Variants in ATP2A2 observed in about 807,000 individuals in gnomAD.
ATP2A2 encodes sarcoplasmic/endoplasmic reticulum calcium ATPase 2.
ATP2A2 carries 14 observed loss-of-function variants against 109.3 expected under a neutral mutation model. The ratio of observed to expected loss-of-function variants is 0.13; its 90% CI spans 0.08 to 0.20. The LOEUF (loss-of-function observed/expected upper bound fraction) is 0.20. Among genes scored for constraint, ATP2A2 ranks in the 10% least tolerant of loss-of-function variants. The pLI, the probability that ATP2A2 is intolerant of heterozygous loss-of-function variation, is 1.00. For missense variants in ATP2A2, 657 were observed against 1,321.6 expected, an observed-to-expected ratio of 0.50 and a Z score of 7.80; for synonymous variants, 506 against 490.9, an observed-to-expected ratio of 1.03 and a Z score of -0.41.
chr12:110,301,174 G>A lies in ATP2A2; in HGVS notation c.463+4437G>A, dbSNP rs7301118. Among the ~76,000 whole-genome samples, 366 of 152,172 alleles carry A rather than the reference G, an allele frequency of 2.4e-3. 1 individual carries two copies. Among genetic ancestry groups the A allele is most frequent in the African/African-American group, 8.4e-3 (350 of 41,520 alleles). ...TGAGCCACTGTGCTCTGCCTTGTTG[G>A]GCTGTTTTAGTGTGTTGAGTCTACT... On this transcript the variant is annotated intron_variant, in intron 5 of 19. Coordinates refer to ENST00000539276, the MANE Select transcript of ATP2A2 (RefSeq NM_170665.4).
intron 3 of ATP2A2, among the ~76,000 whole-genome samples, chr12:110,283,428 T>C (rs1330652497): frequency 1.3e-5 from 2 of 152,368 alleles, no homozygotes; most frequent in African/African-American, 2.4e-5. Context: ...CATGGTGTTT[T>C]TTCTTGTTCT....
At chr12:110,315,415 A>G (rs576756277) in intron 5 of ATP2A2, among the ~76,000 whole-genome samples, 2 of 152,320 alleles carry the variant, frequency 1.3e-5, no homozygotes, top group South Asian at 2.1e-4. Flanking sequence ...TCATTATAAA[A>G]TATTCCTTAT....
At chr12:110,301,737 A>G (rs1874667873) in intron 5 of ATP2A2, among the ~76,000 whole-genome samples, 1 of 152,206 alleles carries the variant, frequency 6.6e-6, no homozygotes, top group Non-Finnish European at 1.5e-5. Flanking sequence ...TGCACTTAAA[A>G]TACAAAATTC....
chr12:110,289,086 C>T (rs1024592610), intron 3 of ATP2A2, among the ~76,000 whole-genome samples: 2 of 152,226 alleles, frequency 1.3e-5, no homozygotes, highest in African/African-American at 4.8e-5. Context: ...GGTCCCATCA[C>T]TGCTTGCCAT....
At chr12:110,344,375 A>C (rs1461379541) in intron 16 of ATP2A2, among the ~76,000 whole-genome samples, 4 of 152,166 alleles carry the variant, frequency 2.6e-5, no homozygotes, top group Non-Finnish European at 5.9e-5. Context: ...GAAGCTGCTG[A>C]GGGCAGGGCC....
intron 5 of ATP2A2, among the ~76,000 whole-genome samples, chr12:110,298,666 C>T (rs1874222915): frequency 6.6e-6 from 1 of 152,124 alleles, no homozygotes. Context: ...TGCAGTGAGC[C>T]GAGGTCGTGC....
chr12:110,332,739 T>C, intron 9 of ATP2A2, 54 bp downstream of exon 9: 1 of 1,441,906 alleles, frequency 6.9e-7, no homozygotes, highest in East Asian at 2.3e-5. Flanking sequence ...TTAGTATTTG[T>C]ATTGATTTGC....
rs1566240329 is a variant in ATP2A2, at chr12:110,342,474, A to C, written c.2318+26A>C. ...GTAGGTCTCTGTGACAGCATCACTTACTGTACGCCTTTATCTAAATGGGTC... is the reference window on the plus strand; with the variant it reads ...GTAGGTCTCTGTGACAGCATCACTTCCTGTACGCCTTTATCTAAATGGGTC... On this transcript the variant is annotated intron_variant, in intron 15 of 19. Coordinates refer to ENST00000539276, the MANE Select transcript of ATP2A2 (RefSeq NM_170665.4). The surrounding 1 kb of genome is among the most constrained non-coding windows in gnomAD (Gnocchi z 4.6). The C allele has an allele frequency of 6.2e-7, 1 of 1,607,278 alleles. No homozygotes were observed. The highest frequency in any genetic ancestry group is 2.2e-5 in the East Asian group (1 of 44,852).
At position 110,344,057 on chromosome 12, in the gene ATP2A2, C is replaced by T. The variant is rs540204018; in HGVS notation, c.2521+623C>T. On this transcript the variant is annotated intron_variant, in intron 16 of 19. Transcript: ENST00000539276. ...CACTTCCCTCTGGCGTTGAGGTGCTCATGTACCCTGTGCCCTTCCGGAGAG... is the reference window on the plus strand; with the variant it reads ...CACTTCCCTCTGGCGTTGAGGTGCTTATGTACCCTGTGCCCTTCCGGAGAG... Among the ~76,000 whole-genome samples, 3 of 152,302 alleles carry T rather than the reference C, an allele frequency of 2.0e-5. No individual in the cohort carries two copies. The East Asian group carries it at 5.8e-4, about 29-fold the overall frequency.
At chr12:110,321,561 T>A (rs997457652) in intron 5 of ATP2A2, among the ~76,000 whole-genome samples, 20 of 152,240 alleles carry the variant, frequency 1.3e-4, no homozygotes, top group African/African-American at 4.6e-4. Context: ...ACCGTCTGAG[T>A]AGCTGAGACT....
At chr12:110,285,762 C>T (rs780136247) in intron 3 of ATP2A2, among the ~76,000 whole-genome samples, 30 of 152,154 alleles carry the variant, frequency 2.0e-4, no homozygotes, top group Non-Finnish European at 2.1e-4. Flanking sequence ...GTTTCTCTAC[C>T]TTCCACCGTC....
intron 5 of ATP2A2, among the ~76,000 whole-genome samples, chr12:110,302,123 G>A (rs981699129): frequency 1.3e-5 from 2 of 151,950 alleles, no homozygotes; most frequent in Admixed American, 6.6e-5. Context: ...TTATATTGTG[G>A]TAAAGTATAC....
intron 5 of ATP2A2, among the ~76,000 whole-genome samples, chr12:110,298,871 G>A (rs1368142250): frequency 6.6e-6 from 1 of 152,120 alleles, no homozygotes; most frequent in Non-Finnish European, 1.5e-5. Flanking sequence ...TTGTTTTATA[G>A]TATCAAGGAT....
intron 8 of ATP2A2, chr12:110,331,193 G>C (rs1042481039): frequency 6.6e-6 from 1 of 150,974 alleles, no homozygotes; most frequent in African/African-American, 2.4e-5. Flanking sequence ...GAGCCGAGTC[G>C]TGCCATTGCA....
intron 7 of ATP2A2, 142 bp downstream of exon 7, chr12:110,326,617 A>G (rs1019190521): frequency 3.3e-6 from 3 of 903,476 alleles, no homozygotes; most frequent in South Asian, 1.4e-5. Context: ...GTGTCAGAAT[A>G]TGGCAGTAAC....
In ATP2A2 at chr12:110,343,204, T is replaced by C. The variant is rs202070076; in HGVS notation, c.2319-28T>C. 5.6e-6 allele frequency: 9 copies of C among 1,609,644 alleles called. No homozygotes were observed. The Admixed American group carries it at 6.7e-5, about 12-fold the overall frequency. On this transcript the variant is annotated intron_variant, in intron 15 of 19. Coordinates refer to ENST00000539276, the MANE Select transcript of ATP2A2 (RefSeq NM_170665.4). ...GTGGCCAGAAGTCATTTGGGCTCTC[T>C]TTGTCTTCTTTTCTTGATTGGAAAC...
rs2302372 is a variant in ATP2A2 at position 110,340,898 on chromosome 12, C to T, written c.2001C>T (p.Asp667=). 40 of 1,614,114 alleles carry T rather than the reference C, an allele frequency of 2.5e-5. No homozygotes were observed. In the East Asian group the frequency reaches 4.9e-4, roughly 20 times the overall value. The change falls in exon 14 of 20, where the codon GAC becomes GAT. Residue 667 remains aspartate (D), a synonymous_variant. Transcript: ENST00000539276. The surrounding 1 kb of genome is among the most constrained non-coding windows in gnomAD (Gnocchi z 6.0). ...FDELNPSAQR[D]ACLNARCFAR... Reference sequence around the variant, plus strand: ...AACTCAACCCCTCCGCCCAGCGAGACGCCTGCCTGAACGCCCGCTGTTTTG... The same window carrying T: ...AACTCAACCCCTCCGCCCAGCGAGATGCCTGCCTGAACGCCCGCTGTTTTG...
In ATP2A2 at chr12:110,340,804, G is replaced by A. The variant is rs369787331; in HGVS notation, c.1907G>A (p.Arg636His). The change falls in exon 14 of 20, where the codon CGC (arginine) becomes CAC (histidine). Residue 636 changes from arginine (R) to histidine (H), a missense_variant. Arg to His is a conservative substitution (Grantham distance 29). Coordinates refer to ENST00000539276, the MANE Select transcript of ATP2A2 (RefSeq NM_170665.4). This position sits in a 1 kb window ranked among gnomAD's most constrained non-coding sequence, Gnocchi z 6.0. ...DNKGTAVAIC[R>H]RIGIFGQDED... is the part of the protein sequence containing the mutation. ...AAGGGCACTGCTGTGGCCATCTGTC[G>A]CCGCATCGGCATCTTCGGGCAGGAT... The A allele has an allele frequency of 6.7e-5, 108 of 1,614,078 alleles. No homozygotes were observed. Among genetic ancestry groups the A allele is most frequent in the Non-Finnish European group, 8.5e-5 (100 of 1,180,052 alleles).
In ATP2A2 at chr12:110,289,943, TCTTA is replaced by T. The variant is rs1311739397; in HGVS notation, c.220-2073_220-2070del. Among the ~76,000 whole-genome samples, 3 of 152,244 alleles carry T rather than the reference TCTTA, an allele frequency of 2.0e-5. No individual in the cohort carries two copies. The East Asian group carries it at 5.8e-4, about 29-fold the overall frequency. ...GTTGGATTGGGAAGTGCAGTGTGAC[TCTTA>T]CTTTGTAGTTTTTAAATCTTAACAA... On this transcript the variant is annotated intron_variant, in intron 3 of 19. Transcript: ENST00000539276.
Sources: allele counts gnomAD v4.1 joint callset (sites outside exome capture counted in the v4.1 genomes callset), GRCh38; gene constraint gnomAD v4.1.1; non-coding constraint Gnocchi (gnomAD v3.1); transcripts MANE v1.5; gene names NCBI Gene and HGNC (gene_info 2026-07-23, HGNC 2026-07-21).